The following USP50 variants were observed in gnomAD, a reference collection of about 807,000 sequenced individuals.
USP50 encodes the protein ubiquitin specific peptidase 50.
A neutral mutation model predicts 39.2 loss-of-function variants in USP50; 37 were observed. The observed-to-expected ratio is 0.94, with a 90% CI of 0.73 to 1.24. USP50 has a LOEUF of 1.24. Ranked by LOEUF, USP50 falls within the 50% of genes most tolerant of loss-of-function variation. USP50 has a pLI of 0.00. For synonymous variants in USP50, 139 were observed against 144.5 expected, an observed-to-expected ratio of 0.96 and a Z score of 0.27; for missense variants, 374 against 398.2, an observed-to-expected ratio of 0.94 and a Z score of 0.52.
chr15:50,495,488 G>T (rs535330043), intron 1 of USP50, among the ~76,000 whole-genome samples: 7 of 148,484 alleles, frequency 4.7e-5, no homozygotes, highest in South Asian at 2.2e-4. Context: ...GAGATTGGAG[G>T]GGGGGGTCTC....
chr15:50,504,536 A>T (rs1405307207), intron 6 of USP50: 1 of 152,218 alleles, frequency 6.6e-6, no homozygotes, highest in African/African-American at 2.4e-5. Flanking sequence ...AAACAAAAAC[A>T]AAAAACACCA....
downstream of USP50, chr15:50,493,069 G>A: frequency 1.2e-6 from 1 of 820,202 alleles, no homozygotes; most frequent in Non-Finnish European, 2.0e-6. Context: ...GTTCTTGACT[G>A]GGAAGGCCAT....
intron 5 of USP50, among the ~76,000 whole-genome samples, chr15:50,533,470 T>TG (rs779032948): frequency 2.0e-5 from 3 of 147,884 alleles, no homozygotes; most frequent in Non-Finnish European, 4.5e-5. Context: ...GAAGCCAGAG[T>TG]GGGGGGGAAA....
At chr15:50,508,492 C>T (rs1009882194) in intron 6 of USP50, 7 of 152,136 alleles carry the variant, frequency 4.6e-5, no homozygotes, top group African/African-American at 1.7e-4. Context: ...GGGAGATAGA[C>T]ATTTGTAGTT....
At chr15:50,496,749 A>T (rs184192165), downstream of USP50, 1 of 176,064 alleles carries the variant, frequency 5.7e-6, no homozygotes, top group African/African-American at 2.4e-5. Flanking sequence ...TTTTCCATGT[A>T]TCAACAATGT....
At position 50,541,154 on chromosome 15, in the gene USP50, G is replaced by T; in HGVS notation, c.555C>A (p.Leu185=). 1 of 1,613,788 alleles carries T rather than the reference G, an allele frequency of 6.2e-7. No homozygotes were observed. The highest frequency in any genetic ancestry group is 8.5e-7 in the Non-Finnish European group (1 of 1,179,770). Residue 185 remains leucine (L), a synonymous_variant, in exon 4 of 7, where the codon CTC becomes CTA. Transcript: ENST00000532404. ...SIITQLFEEQ[L]NYSIVCLKCE... ...ACTTTAAACATACGATGCTATAATT[G>T]AGCTGCTCTTCAAACAGCTGGGTGA...
At chr15:50,524,650 CT>C (rs1478462703) in intron 6 of USP50, among the ~76,000 whole-genome samples, 1 of 152,202 alleles carries the variant, frequency 6.6e-6, no homozygotes, top group African/African-American at 2.4e-5. Flanking sequence ...TAAAGGAATC[CT>C]GTACTTTGTT....
intron 6 of USP50, among the ~76,000 whole-genome samples, chr15:50,528,423 C>T (rs1358909312): frequency 1.3e-5 from 2 of 151,998 alleles, no homozygotes; most frequent in Non-Finnish European, 2.9e-5. Flanking sequence ...ATTATTAATA[C>T]AAGAGGGAGC....
chr15:50,513,387 A>G (rs1224153929), intron 6 of USP50: 4 of 152,116 alleles, frequency 2.6e-5, no homozygotes, highest in African/African-American at 9.7e-5. Flanking sequence ...AACAATATGG[A>G]TATATCTTTA....
chr15:50,501,028 T>C (rs985126491), intron 6 of USP50, 191 bp from the exon 7 acceptor site: 15 of 547,818 alleles, frequency 2.7e-5, no homozygotes, highest in East Asian at 9.2e-5. Flanking sequence ...TAACTACTTA[T>C]ATGTTGTGCC....
rs1176206953 is a variant in USP50, at chr15:50,544,725, T to G, written c.110A>C (p.Gln37Pro). 2 of 1,614,032 alleles carry G rather than the reference T, an allele frequency of 1.2e-6. No homozygotes were observed. Among genetic ancestry groups the G allele is most frequent in the Non-Finnish European group, 1.7e-6 (2 of 1,179,888 alleles). ...GCCAGTGACACCCTGAAAATGGGGC[T>G]GGTTCCCATCAGCCTCCTTAACTGG... ...TLPVKEADGN[Q>P]PHFQGVTGLW... Residue 37 changes from glutamine to proline, a missense_variant, in exon 2 of 7, where the codon CAG becomes CCG. Coordinates refer to ENST00000532404, the MANE Select transcript of USP50 (RefSeq NM_203494.5).
At chr15:50,518,163 A>G (rs1393892814) in intron 6 of USP50, among the ~76,000 whole-genome samples, 1 of 152,192 alleles carries the variant, frequency 6.6e-6, no homozygotes, top group African/African-American at 2.4e-5. Context: ...GGAACAGAAT[A>G]GAGAACCCAG....
Position 50,531,366 on chromosome 15 carries a change from A to T in USP50, c.804-1437T>A, listed in dbSNP as rs149374948. 3.9e-5 allele frequency among the ~76,000 whole-genome samples: 6 copies of T among 152,330 alleles called. No homozygotes were observed. The East Asian group carries it at 9.6e-4, about 24-fold the overall frequency. On this transcript the variant is annotated intron_variant, in intron 5 of 6. Transcript: ENST00000532404. The stretch of plus-strand genomic sequence containing the variant: ...AAGCAACTATGGTACACTCACAAAA[A>T]GGAATAGCACACAGCAATAAAAAAG...
chr15:50,533,467 G>C (rs2052957315), intron 5 of USP50, among the ~76,000 whole-genome samples: 1 of 151,924 alleles, frequency 6.6e-6, no homozygotes, highest in South Asian at 2.1e-4. Flanking sequence ...AAAGAAGCCA[G>C]AGTGGGGGGG....
At chr15:50,530,075 G>T (rs886152852) in intron 5 of USP50, 146 bp from the exon 6 acceptor site, 3 of 1,083,298 alleles carry the variant, frequency 2.8e-6, no homozygotes, top group Admixed American at 4.7e-5. Flanking sequence ...GGGAGGCCAA[G>T]GTGGACATAT....
intron 6 of USP50, among the ~76,000 whole-genome samples, chr15:50,524,369 T>C (rs1239109590): frequency 6.6e-6 from 1 of 152,192 alleles, no homozygotes; most frequent in Non-Finnish European, 1.5e-5. Context: ...TTGCAAACCA[T>C]ACATCTGATA....
intron 6 of USP50, among the ~76,000 whole-genome samples, chr15:50,517,126 C>A (rs992056057): frequency 6.6e-6 from 1 of 152,148 alleles, no homozygotes; most frequent in African/African-American, 2.4e-5. Flanking sequence ...CAAGCACATG[C>A]AGAATATTCT....
At chr15:50,506,910 A>AT (rs2052668610) in intron 6 of USP50, 2 of 135,232 alleles carry the variant, frequency 1.5e-5, no homozygotes, top group Non-Finnish European at 3.1e-5. Context: ...GTGAGCCGAG[A>AT]TCGTGCCACT....
chr15:50,517,209 GC>G (rs2052810514), intron 6 of USP50, among the ~76,000 whole-genome samples: 1 of 152,168 alleles, frequency 6.6e-6, no homozygotes, highest in Non-Finnish European at 1.5e-5. Flanking sequence ...GGTGGCTCAT[GC>G]CTGTAATCCC....
Sources: gnomAD v4.1 joint callset for allele counts (sites outside exome capture counted in the v4.1 genomes callset) on GRCh38, gnomAD v4.1.1 for gene constraint, MANE v1.5 for transcripts, NCBI Gene and HGNC (gene_info 2026-07-23, HGNC 2026-07-21) for gene names.